CD80: variants seen among roughly 807,000 people sequenced by gnomAD.
The protein encoded by CD80 is CD80 molecule, also known as T-lymphocyte activation antigen CD80.
Under a neutral mutation model 27.1 loss-of-function variants are expected in CD80, and 13 were observed. The ratio of observed to expected loss-of-function variants is 0.48; its 90% CI spans 0.31 to 0.76. CD80 has a LOEUF of 0.76. Among genes scored for constraint, CD80 ranks in the 30% least tolerant of loss-of-function variants. The probability of loss-of-function intolerance (pLI) is 0.04; values close to 1 mark genes in which losing one functional copy is unlikely to be tolerated. For synonymous variants in CD80, 125 were observed against 125.5 expected (o/e 1.00, Z 0.03); for missense variants, 277 against 347.9 (o/e 0.80, Z 1.62).
intron 4 of CD80, 113 bp from the exon 5 acceptor site, chr3:119,530,050 C>T (rs1341105805): frequency 1.4e-6 from 1 of 697,280 alleles, no homozygotes; most frequent in Non-Finnish European, 2.5e-6. Context: ...GGTCAGCTCT[C>T]CAGTATGCAG....
intron 1 of CD80, among the ~76,000 whole-genome samples, chr3:119,558,792 A>G (rs1469264552): frequency 6.6e-6 from 1 of 151,030 alleles, no homozygotes; most frequent in East Asian, 1.9e-4. Context: ...AAAATTATGT[A>G]CTGTCATGTG....
At chr3:119,544,981 G>T in intron 2 of CD80, 114 bp from the exon 3 acceptor site, 1 of 767,756 alleles carries the variant, frequency 1.3e-6, no homozygotes, top group Non-Finnish European at 2.1e-6. Context: ...TAGTGACTAA[G>T]TATCAATCCA....
At chr3:119,538,190 T>C (rs973097877) in intron 3 of CD80, among the ~76,000 whole-genome samples, 3 of 152,234 alleles carry the variant, frequency 2.0e-5, no homozygotes, top group South Asian at 4.1e-4. Flanking sequence ...TTATAAGTAA[T>C]CAAACTGAGG....
intron 3 of CD80, among the ~76,000 whole-genome samples, chr3:119,543,924 T>G (rs1245421565): frequency 2.7e-5 from 4 of 146,820 alleles, no homozygotes; most frequent in Non-Finnish European, 6.0e-5. Flanking sequence ...AGTCTTGCTA[T>G]GTCACCCAGG....
intron 5 of CD80, among the ~76,000 whole-genome samples, chr3:119,528,054 A>G (rs2082088609): frequency 6.6e-6 from 1 of 152,134 alleles, no homozygotes; most frequent in African/African-American, 2.4e-5. Context: ...GCAACGGGCA[A>G]GGGGTGCTAC....
chr3:119,549,675 G>A (rs1351407448), intron 2 of CD80, among the ~76,000 whole-genome samples: 1 of 152,182 alleles, frequency 6.6e-6, no homozygotes, highest in Non-Finnish European at 1.5e-5. Flanking sequence ...CTGAACAAGA[G>A]AGTTTTGTGA....
At chr3:119,558,851 T>C (rs913370250) in intron 1 of CD80, among the ~76,000 whole-genome samples, 2 of 151,476 alleles carry the variant, frequency 1.3e-5, no homozygotes, top group African/African-American at 2.4e-5. Flanking sequence ...AATTGAGAAA[T>C]GAAAATAAAC....
intron 2 of CD80, among the ~76,000 whole-genome samples, chr3:119,551,527 A>G (rs114243006): frequency 0.013 from 2,041 of 152,100 alleles, 34 homozygotes; most frequent in South Asian, 0.057. Context: ...CTGCCTTTCT[A>G]TCCTCTGCCA....
chr3:119,547,029 A>G (rs2082206022), intron 2 of CD80, among the ~76,000 whole-genome samples: 1 of 152,050 alleles, frequency 6.6e-6, no homozygotes, highest in Admixed American at 6.5e-5. Context: ...TCCCCTTTTC[A>G]CTTGAGTGAC....
intron 4 of CD80, among the ~76,000 whole-genome samples, chr3:119,533,507 G>A (rs1001300164): frequency 6.6e-6 from 1 of 151,006 alleles, no homozygotes; most frequent in African/African-American, 2.4e-5. Context: ...GTTGCCACAT[G>A]TCATGGGAGG....
chr3:119,533,517 G>A (rs903612899), intron 4 of CD80, among the ~76,000 whole-genome samples: 76 of 152,046 alleles, frequency 5.0e-4, no homozygotes, highest in African/African-American at 1.7e-3. Context: ...GTCATGGGAG[G>A]AACCCAGTGG....
In CD80 at chr3:119,557,744, G is replaced by C. The variant is rs1359547317; in HGVS notation, c.-16C>G. On this transcript the variant is annotated 5_prime_UTR_variant, in exon 2 of 7. Coordinates refer to ENST00000264246, the MANE Select transcript of CD80 (RefSeq NM_005191.4). The stretch of plus-strand genomic sequence containing the variant: ...TGTGGCCCATGGCTTCAGATGCTTA[G>C]GGTCAAAAGTGAAAGCCAACAATTT... 1.9e-6 allele frequency: 3 copies of C among 1,596,068 alleles called. No individual in the cohort carries two copies. The highest frequency in any genetic ancestry group is 1.7e-4 in the Middle Eastern group (1 of 5,998).
At chr3:119,538,581 C>T (rs965817298) in intron 3 of CD80, among the ~76,000 whole-genome samples, 1 of 152,204 alleles carries the variant, frequency 6.6e-6, no homozygotes, top group African/African-American at 2.4e-5. Context: ...GGGCCTACCC[C>T]TTTGCTCTTG....
intron 3 of CD80, among the ~76,000 whole-genome samples, chr3:119,539,672 A>G (rs529520507): frequency 2.4e-4 from 37 of 152,338 alleles, no homozygotes; most frequent in African/African-American, 7.2e-4. Flanking sequence ...AAAGATACCT[A>G]GCGGCTTCGT....
At chr3:119,545,153 G>A (rs1028365518) in intron 2 of CD80, among the ~76,000 whole-genome samples, 83 of 152,202 alleles carry the variant, frequency 5.5e-4, no homozygotes, top group African/African-American at 1.9e-3. Flanking sequence ...AGACCAGCCG[G>A]GCCAACATGG....
intron 4 of CD80, among the ~76,000 whole-genome samples, chr3:119,531,435 T>C (rs1375398614): frequency 6.6e-6 from 1 of 152,214 alleles, no homozygotes. Flanking sequence ...AACCATAGCC[T>C]TTTGTCCCAT....
chr3:119,528,053 A>G (rs1406675274), intron 5 of CD80, among the ~76,000 whole-genome samples: 1 of 152,136 alleles, frequency 6.6e-6, no homozygotes, highest in Non-Finnish European at 1.5e-5. Flanking sequence ...CGCAACGGGC[A>G]AGGGGTGCTA....
At chr3:119,528,254 A>G (rs965251324) in intron 5 of CD80, among the ~76,000 whole-genome samples, 2 of 152,106 alleles carry the variant, frequency 1.3e-5, no homozygotes, top group African/African-American at 4.8e-5. Context: ...TCTTTATCCT[A>G]CCCTTGGGAT....
rs370971089 is a variant in CD80, at chr3:119,544,564, G to C, written c.404C>G (p.Thr135Arg). The C allele has an allele frequency of 6.4e-5, 104 of 1,613,484 alleles. 2 individuals are homozygous for C. The African/African-American group carries it at 1.1e-3, about 17-fold the overall frequency. The change falls in exon 3 of 7, where the codon ACG (threonine) becomes AGG (arginine). Residue 135 changes from threonine (T) to arginine (R), a missense_variant. Thr to Arg is a moderately conservative substitution (Grantham distance 71, BLOSUM62 -1). Transcript: ENST00000264246. ...AFKREHLAEV[T>R]LSVKADFPTP... ...ATCCCACCAACCTTTGACTGATAACGTCACTTCAGCCAGGTGTTCCCGCTT... is the reference window on the plus strand; with the variant it reads ...ATCCCACCAACCTTTGACTGATAACCTCACTTCAGCCAGGTGTTCCCGCTT...
Sources: gnomAD v4.1 joint callset for allele counts (sites outside exome capture counted in the v4.1 genomes callset) on GRCh38, gnomAD v4.1.1 for gene constraint, MANE v1.5 for transcripts, NCBI Gene and HGNC (gene_info 2026-07-23, HGNC 2026-07-21) for gene names.